TP53BP1: variants seen among roughly 807,000 people sequenced by gnomAD.
TP53BP1 encodes the protein TP53-binding protein 1.
Under a neutral mutation model 200.8 loss-of-function variants are expected in TP53BP1, and 61 were observed. The observed-to-expected ratio is 0.30, with a 90% CI of 0.25 to 0.38. TP53BP1 has a LOEUF of 0.38. Ranked by LOEUF, TP53BP1 falls within the 10% of genes least tolerant of loss-of-function variation. The pLI, the probability that TP53BP1 is intolerant of heterozygous loss-of-function variation, is 1.00. For synonymous variants in TP53BP1, 822 were observed against 844.3 expected (o/e 0.97, Z 0.46); for missense variants, 2,144 against 2,371.9 (o/e 0.90, Z 2.00).
intron 14 of TP53BP1, among the ~76,000 whole-genome samples, chr15:43,442,820 T>G (rs1249413455): frequency 3.1e-5 from 4 of 129,568 alleles, no homozygotes; most frequent in Non-Finnish European, 6.8e-5. Context: ...ATATTCTTTT[T>G]TTTTTTTTTT....
chr15:43,458,851 C>G (rs2046362731), intron 11 of TP53BP1, among the ~76,000 whole-genome samples: 2 of 152,018 alleles, frequency 1.3e-5, no homozygotes. Context: ...AACTGCAACT[C>G]TCGTACATTG....
intron 25 of TP53BP1, 137 bp from the exon 26 acceptor site, chr15:43,409,233 CA>C: frequency 1.4e-6 from 1 of 733,228 alleles, no homozygotes; most frequent in Non-Finnish European, 2.3e-6. Context: ...CTATCCTGCC[CA>C]AGGCCACTCT....
Position 43,415,688 on chromosome 15 carries a change from G to A in TP53BP1, c.4995C>T (p.Ser1665=). Residue 1665 remains serine, a synonymous_variant, in exon 23 of 28, where the codon TCC becomes TCT. Transcript: ENST00000382044. ...TRKITESPRA[S]MGVLSGKRKL... ...TTCTTTTGCCTGAGAGAACTCCCAT[G>A]GAGGCACGAGGACTTTCTGTGATCT... The A allele has an allele frequency of 6.2e-7, 1 of 1,614,196 alleles. No homozygotes were observed. Among genetic ancestry groups the A allele is most frequent in the African/African-American group, 1.3e-5 (1 of 75,040 alleles).
At chr15:43,423,295 A>G (rs550816942) in intron 18 of TP53BP1, among the ~76,000 whole-genome samples, 23 of 151,728 alleles carry the variant, frequency 1.5e-4, no homozygotes, top group African/African-American at 5.1e-4. Flanking sequence ...TGTTCACGCA[A>G]TATTATGTTA....
Position 43,432,287 on chromosome 15 carries a change from A to T in TP53BP1, c.3582T>A (p.Phe1194Leu). 6.2e-7 allele frequency: 1 copy of T among 1,614,120 alleles called. No individual in the cohort carries two copies. Among genetic ancestry groups the T allele is most frequent in the Non-Finnish European group, 8.5e-7 (1 of 1,180,012 alleles). Residue 1194 changes from phenylalanine to leucine, a missense_variant, in exon 17 of 28, where the codon TTT becomes TTA. Around this residue, in one of 4 missense-constraint regions of TP53BP1, gnomAD observed 1,700 missense variants for 1,710.3 expected, o/e 0.99. Coordinates refer to ENST00000382044, the MANE Select transcript of TP53BP1 (RefSeq NM_001141980.3). ...EQGTSTVDQN[F>L]GKQDATVQTE... ...TCTGAACTGTGGCATCTTGCTTTCCAAAGTTCTGGTCCACTGTACTGGTCC... is the reference window on the plus strand; with the variant it reads ...TCTGAACTGTGGCATCTTGCTTTCCTAAGTTCTGGTCCACTGTACTGGTCC...
chr15:43,454,411 T>A (rs1364018564), intron 12 of TP53BP1, among the ~76,000 whole-genome samples: 1 of 151,972 alleles, frequency 6.6e-6, no homozygotes, highest in African/African-American at 2.4e-5. Flanking sequence ...TTGCCCAGGC[T>A]GTAGTGCAAT....
At chr15:43,438,483 T>C in intron 15 of TP53BP1, 67 bp from the exon 16 acceptor site, 1 of 1,334,698 alleles carries the variant, frequency 7.5e-7, no homozygotes. Context: ...GAGATTATCC[T>C]TTTATGCACA....
chr15:43,456,713 G>C lies in TP53BP1; in HGVS notation c.1895C>G (p.Ala632Gly). ...IDLTCDSGSQ[A>G]VPSPATRSEA... ...AGATCGAGTAGCTGGTGACGGAACT[G>C]CCTGACTCCCCGAATCACAAGTGAG... is the stretch of plus-strand genomic sequence containing the variant. Residue 632 changes from alanine (A) to glycine (G), a missense_variant, in exon 12 of 28, where the codon GCA becomes GGA. Around this residue, in one of 4 missense-constraint regions of TP53BP1, gnomAD observed 1,700 missense variants for 1,710.3 expected, o/e 0.99. Transcript: ENST00000382044. 1 of 1,614,104 alleles carries C rather than the reference G, an allele frequency of 6.2e-7. No homozygotes were observed. Among genetic ancestry groups the C allele is most frequent in the Non-Finnish European group, 8.5e-7 (1 of 1,180,044 alleles).
chr15:43,480,862 C>T lies in TP53BP1; in HGVS notation c.499+33G>A, dbSNP rs566236302. 3.1e-6 allele frequency: 5 copies of T among 1,610,056 alleles called. No individual in the cohort carries two copies. In the Admixed American group the frequency reaches 5.0e-5, roughly 16 times the overall value. On this transcript the variant is annotated intron_variant, in intron 5 of 27. Coordinates refer to ENST00000382044, the MANE Select transcript of TP53BP1 (RefSeq NM_001141980.3). ...CAATCATGTTAAAGGGAAGTTAGAA[C>T]AGTCTATTATTCTGAAAAAAGCACA...
chr15:43,448,700 C>A (rs2046098311), intron 12 of TP53BP1, among the ~76,000 whole-genome samples: 1 of 151,870 alleles, frequency 6.6e-6, no homozygotes, highest in African/African-American at 2.4e-5. Context: ...CCATCACGCC[C>A]AGCTAATTTT....
intron 11 of TP53BP1, among the ~76,000 whole-genome samples, chr15:43,459,841 A>G (rs1162888353): frequency 1.3e-5 from 2 of 152,000 alleles, no homozygotes; most frequent in African/African-American, 4.8e-5. Flanking sequence ...AATTTTTAAA[A>G]TGTCTTTTAG....
rs536107076 is a variant in TP53BP1, at chr15:43,501,945, T to C, written c.-9+8425A>G. ...AACATTTGTTTTCATTTATCTTGGG[T>C]AGATAACTAGAAGTGGAACTGCTGG... On this transcript the variant is annotated intron_variant, in intron 1 of 27. Transcript: ENST00000263801. Among the ~76,000 whole-genome samples the C allele has an allele frequency of 2.6e-4, 39 of 152,340 alleles. No individual in the cohort carries two copies. In the South Asian group the frequency reaches 7.5e-3, roughly 29 times the overall value.
At chr15:43,446,653 C>G (rs573183416) in intron 13 of TP53BP1, 63 bp from the exon 14 acceptor site, 2 of 1,582,336 alleles carry the variant, frequency 1.3e-6, no homozygotes, top group South Asian at 2.3e-5. Context: ...CAAAAAACAG[C>G]AATTCAAGGT....
chr15:43,480,594 A>C (rs891501457), intron 5 of TP53BP1, among the ~76,000 whole-genome samples: 2 of 152,258 alleles, frequency 1.3e-5, no homozygotes, highest in African/African-American at 4.8e-5. Flanking sequence ...CTACACCCAC[A>C]GTCACAGCAA....
chr15:43,482,823 G>GGGAGGCT lies in TP53BP1; in HGVS notation c.372-1808_372-1802dup, dbSNP rs1263529631. ...CATGTGCCTGTAGTCCCAGCTACTT[G>GGGAGGCT]GGAGGCTGAAGCAGGAGAATCGCTT... On this transcript the variant is annotated intron_variant, in intron 4 of 27. Transcript: ENST00000382044. 6.6e-5 allele frequency among the ~76,000 whole-genome samples: 10 copies of GGGAGGCT among 152,114 alleles called. No individual in the cohort carries two copies. In the East Asian group the frequency reaches 7.7e-4, roughly 12 times the overall value.
rs1478050483 is a variant in TP53BP1 at position 43,405,244 on chromosome 15, G to A, written c.*2139C>T. The A allele has an allele frequency of 6.2e-7, 1 of 1,613,182 alleles. No individual in the cohort carries two copies. The highest frequency in any genetic ancestry group is 1.7e-5 in the Admixed American group (1 of 60,020). On this transcript the variant is annotated 3_prime_UTR_variant, in exon 28 of 28. Transcript: ENST00000382044. ...TTCTGGCTCATAAATTGAAATAACAGCCACGTTCCCAAGGTTGTAACAGAA... is the reference window on the plus strand; with the variant it reads ...TTCTGGCTCATAAATTGAAATAACAACCACGTTCCCAAGGTTGTAACAGAA...
chr15:43,470,804 C>A (rs1429907725), intron 10 of TP53BP1, among the ~76,000 whole-genome samples: 3 of 152,124 alleles, frequency 2.0e-5, no homozygotes, highest in Non-Finnish European at 2.9e-5. Context: ...ACAACTTGAC[C>A]CCAACCAGGC....
At chr15:43,411,624 T>A (rs1463801263) in intron 24 of TP53BP1, among the ~76,000 whole-genome samples, 3 of 152,260 alleles carry the variant, frequency 2.0e-5, no homozygotes, top group Non-Finnish European at 4.4e-5. Context: ...TATCAAGGAT[T>A]CTGGTACTGT....
intron 26 of TP53BP1, chr15:43,408,657 T>C: frequency 4.0e-6 from 2 of 504,588 alleles, no homozygotes; most frequent in East Asian, 6.7e-5. Context: ...GTTCTCTGAC[T>C]TTACAGGTTG....
Sources: gnomAD v4.1 joint callset for allele counts (sites outside exome capture counted in the v4.1 genomes callset) on GRCh38, gnomAD v4.1.1 for gene constraint, gnomAD v4.1.1 regional missense constraint, MANE v1.5 for transcripts, NCBI Gene and HGNC (gene_info 2026-07-23, HGNC 2026-07-21) for gene names.